LRRC7: variants seen among roughly 807,000 people sequenced by gnomAD.
LRRC7 encodes the protein leucine-rich repeat-containing protein 7.
In LRRC7, 23 loss-of-function variants were observed where a neutral mutation model predicts 175.7. The ratio of observed to expected loss-of-function variants is 0.13; its 90% CI spans 0.09 to 0.19. LRRC7 has a LOEUF of 0.19. LRRC7 is among the 10% of genes least tolerant of loss of function. The probability of loss-of-function intolerance (pLI) is 1.00; values close to 1 mark genes in which losing one functional copy is unlikely to be tolerated. For synonymous variants in LRRC7, 685 were observed against 680.9 expected (o/e 1.01, Z -0.09); for missense variants, 1,354 against 1,904.7 (o/e 0.71, Z 5.38).
intron 24 of LRRC7, 40 bp downstream of exon 24, chr1:70,076,338 A>G (rs1178484587): frequency 1.3e-6 from 2 of 1,586,840 alleles, no homozygotes; most frequent in Admixed American, 3.4e-5. Context: ...TCTTCAGGTA[A>G]GAAAAGTCCA....
chr1:69,697,599 A>C (rs567243868), intron 2 of LRRC7, among the ~76,000 whole-genome samples: 1 of 152,224 alleles, frequency 6.6e-6, no homozygotes, highest in Non-Finnish European at 1.5e-5. Flanking sequence ...GGGGCTATAC[A>C]CTAATGATAA....
chr1:69,934,900 G>C (rs1179927347), intron 8 of LRRC7, among the ~76,000 whole-genome samples: 1 of 152,042 alleles, frequency 6.6e-6, no homozygotes, highest in African/African-American at 2.4e-5. Flanking sequence ...AAAAAAGAGG[G>C]CTGTTCTATA....
intron 26 of LRRC7, among the ~76,000 whole-genome samples, chr1:70,116,365 G>A (rs533187307): frequency 7.2e-5 from 11 of 152,210 alleles, no homozygotes; most frequent in Admixed American, 2.6e-4. Flanking sequence ...GGTTAACACG[G>A]TGAAACCCCA....
intron 7 of LRRC7, among the ~76,000 whole-genome samples, chr1:69,865,530 G>GAGTGC (rs1290390881): frequency 7.6e-6 from 1 of 132,310 alleles, no homozygotes; most frequent in Non-Finnish European, 1.5e-5. Flanking sequence ...AGGCTGGATG[G>GAGTGC]AGTGCAGTGG....
intron 8 of LRRC7, among the ~76,000 whole-genome samples, chr1:69,938,643 G>A (rs751935225): frequency 1.6e-4 from 24 of 151,854 alleles, no homozygotes; most frequent in Non-Finnish European, 3.1e-4. Context: ...AAATTGACTA[G>A]AATTAAATTA....
intron 3 of LRRC7, among the ~76,000 whole-genome samples, chr1:69,778,941 CAT>C (rs1236367911): frequency 7.0e-6 from 1 of 143,194 alleles, no homozygotes; most frequent in African/African-American, 2.8e-5. Context: ...TATATATACA[CAT>C]ATATACACAC....
intron 8 of LRRC7, among the ~76,000 whole-genome samples, chr1:69,946,163 G>T (rs1285036212): frequency 1.3e-5 from 2 of 152,002 alleles, no homozygotes; most frequent in African/African-American, 4.8e-5. Flanking sequence ...TACTTAATTT[G>T]TTAAGAGTTT....
intron 23 of LRRC7, among the ~76,000 whole-genome samples, chr1:70,066,415 G>A (rs1371766768): frequency 2.0e-5 from 3 of 151,832 alleles, no homozygotes; most frequent in Non-Finnish European, 4.4e-5. Flanking sequence ...TTAACTCCTG[G>A]CATTTCTATA....
At chr1:69,725,447 AT>A (rs1253270953) in intron 2 of LRRC7, among the ~76,000 whole-genome samples, 1 of 152,196 alleles carries the variant, frequency 6.6e-6, no homozygotes, top group East Asian at 1.9e-4. Flanking sequence ...CCAAAGAGAA[AT>A]TTTAAATAAT....
intron 7 of LRRC7, among the ~76,000 whole-genome samples, chr1:69,871,231 A>C (rs990165911): frequency 9.9e-5 from 15 of 152,086 alleles, no homozygotes; most frequent in African/African-American, 3.6e-4. Context: ...ATGCTGTAAT[A>C]CCTTAAGCTT....
At chr1:70,078,316 C>G (rs189451658) in intron 24 of LRRC7, among the ~76,000 whole-genome samples, 3 of 152,288 alleles carry the variant, frequency 2.0e-5, no homozygotes, top group Admixed American at 2.0e-4. Context: ...AACCTTGAGT[C>G]AGTTTCTTAA....
chr1:70,135,849 C>G lies in LRRC7; in HGVS notation c.*13962C>G, dbSNP rs988393160. Among the ~76,000 whole-genome samples, 1 of 152,178 alleles carries G rather than the reference C, an allele frequency of 6.6e-6. No homozygotes were observed. The highest frequency in any genetic ancestry group is 2.4e-5 in the African/African-American group (1 of 41,442). ...TTTGGGATATAAATCTTCAGCCATACTTGTAGAATCGTTTGACTAAGCAAC... is the reference window on the plus strand; with the variant it reads ...TTTGGGATATAAATCTTCAGCCATAGTTGTAGAATCGTTTGACTAAGCAAC... On this transcript the variant is annotated 3_prime_UTR_variant, in exon 27 of 27. Coordinates refer to ENST00000651989, the MANE Select transcript of LRRC7 (RefSeq NM_001370785.2).
chr1:69,723,901 T>A (rs1740916), intron 2 of LRRC7, among the ~76,000 whole-genome samples: 66,541 of 151,788 alleles, frequency 0.44, 14,842 homozygotes, highest in Admixed American at 0.5. Context: ...GAATTCAATA[T>A]CTCCCAAAGG....
At chr1:69,654,676 T>C (rs1330461416) in intron 1 of LRRC7, among the ~76,000 whole-genome samples, 1 of 152,116 alleles carries the variant, frequency 6.6e-6, no homozygotes, top group African/African-American at 2.4e-5. Flanking sequence ...GAATCTTTTT[T>C]CTATAAGTTC....
At chr1:69,787,692 G>T (rs1030311277) in intron 3 of LRRC7, among the ~76,000 whole-genome samples, 2 of 152,076 alleles carry the variant, frequency 1.3e-5, no homozygotes, top group Non-Finnish European at 2.9e-5. Flanking sequence ...AGAGGCTGCC[G>T]CAAAGGTCTC....
At chr1:70,079,593 T>C (rs1049602732) in intron 24 of LRRC7, among the ~76,000 whole-genome samples, 3 of 152,204 alleles carry the variant, frequency 2.0e-5, no homozygotes, top group African/African-American at 7.2e-5. Flanking sequence ...GAATACATAT[T>C]TTTTCATTCA....
intron 1 of LRRC7, among the ~76,000 whole-genome samples, chr1:69,633,416 T>TGTTA (rs1336200047): frequency 6.8e-6 from 1 of 147,276 alleles, no homozygotes; most frequent in Admixed American, 6.9e-5. Flanking sequence ...TAATTTTTTT[T>TGTTA]GTTATTTATT....
rs563125862 is a variant in LRRC7 at position 70,095,992 on chromosome 1, T to C, written c.4545+6173T>C. ...TTTTGTTTTTTTTTGTTTTTTGTTT[T>C]TTGAGATGGAGTCTGGCTCTTGTCG... On this transcript the variant is annotated intron_variant, in intron 25 of 26. Transcript: ENST00000651989. Among the ~76,000 whole-genome samples, 4 of 152,304 alleles carry C rather than the reference T, an allele frequency of 2.6e-5. No homozygotes were observed. The East Asian group carries it at 7.7e-4, about 29-fold the overall frequency.
intron 7 of LRRC7, among the ~76,000 whole-genome samples, chr1:69,931,284 C>G (rs555056880): frequency 6.6e-6 from 1 of 152,258 alleles, no homozygotes; most frequent in African/African-American, 2.4e-5. Flanking sequence ...AAGGAGCCAG[C>G]CTTGCATGCC....
Sources: allele counts gnomAD v4.1 joint callset (sites outside exome capture counted in the v4.1 genomes callset), GRCh38; gene constraint gnomAD v4.1.1; transcripts MANE v1.5; gene names NCBI Gene and HGNC (gene_info 2026-07-23, HGNC 2026-07-21).